Variants in DMD observed in about 807,000 individuals in gnomAD.
The protein encoded by DMD is dystrophin.
A neutral mutation model predicts 330.1 loss-of-function variants in DMD; 63 were observed. The observed-to-expected ratio is 0.19, with a 90% CI of 0.16 to 0.24. DMD has a LOEUF of 0.24. Among genes scored for constraint, DMD ranks in the 10% least tolerant of loss-of-function variants. The pLI is 1.00. For missense variants in DMD, 3,344 were observed against 2,684.1 expected, an observed-to-expected ratio of 1.25 and a Z score of -5.43; for synonymous variants, 1,223 against 959.8, an observed-to-expected ratio of 1.27 and a Z score of -5.07.
intron 2 of DMD, among the ~76,000 whole-genome samples, chrX:33,008,757 ATTT>A (rs2093450211): frequency 1.7e-5 from 1 of 57,469 alleles, no homozygotes; most frequent in Non-Finnish European, 3.5e-5. Context: ...TCAGATAAGT[ATTT>A]TTAAGTCTTA....
Position 32,699,309 on chromosome X carries a change from C to G in DMD, c.650-16G>C, listed in dbSNP as rs903989298. ...GTATCAACATCTGTAAGCACATTAA[C>G]ACTACACATCAATTTTTGGTTTCTA... On this transcript the variant is annotated splice_polypyrimidine_tract_variant and intron_variant, in intron 7 of 78. Coordinates refer to ENST00000357033, the MANE Select transcript of DMD (RefSeq NM_004006.3). 1 of 1,169,559 alleles carries G rather than the reference C, an allele frequency of 8.6e-7. No homozygotes were observed. The highest frequency in any genetic ancestry group is 1.2e-6 in the Non-Finnish European group (1 of 859,008).
Position 32,252,831 on chromosome X carries a change from TAA to T in DMD, c.6290+34696_6290+34697del, listed in dbSNP as rs1166763131. 8.7e-5 allele frequency among the ~76,000 whole-genome samples: 5 copies of T among 57,275 alleles called. 2 individuals are homozygous for T. The highest frequency in any genetic ancestry group is 3.7e-4 in the African/African-American group (5 of 13,400). The allele number at this position is 57,275 out of a possible 115,157, so 49.7% of individuals were successfully genotyped here. ...ATATATATAAGTATATAAATATATA[TAA>T]ATATATATAAATATATAAATATATA... On this transcript the variant is annotated intron_variant, in intron 43 of 78. Transcript: ENST00000357033.
At chrX:31,408,316 T>G (rs1314713298) in intron 60 of DMD, among the ~76,000 whole-genome samples, 2 of 112,438 alleles carry the variant, frequency 1.8e-5, no homozygotes, top group Non-Finnish European at 1.9e-5. Flanking sequence ...ACCACAAATG[T>G]TTGTAGGGAT....
At chrX:31,761,120 C>T (rs1031048873) in intron 51 of DMD, among the ~76,000 whole-genome samples, 2 of 109,809 alleles carry the variant, frequency 1.8e-5, no homozygotes, top group African/African-American at 6.6e-5. Context: ...CTTCTGACCT[C>T]GTGATCCGCC....
At chrX:31,255,699 A>G (rs1441420429) in intron 63 of DMD, among the ~76,000 whole-genome samples, 1 of 110,600 alleles carries the variant, frequency 9.0e-6, no homozygotes, top group Non-Finnish European at 1.9e-5. Context: ...AAGTTTAGAA[A>G]CAGCCTGCCC....
Position 33,139,868 on chromosome X carries a change from T to TAAAAAAAAA in DMD, c.31+71405_31+71413dup, listed in dbSNP as rs3990971. ...GAATTGACTAATACAGCCCCATCGC[T>TAAAAAAAAA]AAAAAAAAAAAAAAAAAAAAAAAAA... On this transcript the variant is annotated intron_variant, in intron 1 of 78. Transcript: ENST00000357033. Among the ~76,000 whole-genome samples, 7 of 64,375 alleles carry TAAAAAAAAA rather than the reference T, an allele frequency of 1.1e-4. 1 individual carries two copies. Among genetic ancestry groups the TAAAAAAAAA allele is most frequent in the African/African-American group, 5.6e-4 (7 of 12,508 alleles). 55.9% of individuals were successfully genotyped at this position (64,375 alleles called of 115,157 possible). A position where few individuals can be genotyped will look rare whatever the true frequency, so the allele number is the denominator to read the frequency against.
At chrX:31,973,378 CT>C (rs1365483434) in intron 44 of DMD, among the ~76,000 whole-genome samples, 1 of 110,357 alleles carries the variant, frequency 9.1e-6, no homozygotes, top group African/African-American at 3.3e-5. Context: ...AATAAATGGC[CT>C]TTTTTTGAGT....
intron 44 of DMD, among the ~76,000 whole-genome samples, chrX:32,167,217 C>G (rs185323613): frequency 1.8e-5 from 2 of 112,381 alleles, no homozygotes; most frequent in East Asian, 5.6e-4. Context: ...TATAAACGAG[C>G]TGAAGTATAG....
intron 1 of DMD, among the ~76,000 whole-genome samples, chrX:33,245,274 G>T (rs2052647456): frequency 1.3e-5 from 1 of 78,115 alleles, no homozygotes; most frequent in African/African-American, 3.6e-5. Flanking sequence ...TTTTTTCAGG[G>T]CTCTGAAAAG....
chrX:33,012,566 G>A (rs987664385), intron 2 of DMD, among the ~76,000 whole-genome samples: 9 of 111,326 alleles, frequency 8.1e-5, no homozygotes, highest in Non-Finnish European at 1.3e-4. Flanking sequence ...AACAGTTCTC[G>A]ACTTAAGATA....
intron 18 of DMD, among the ~76,000 whole-genome samples, chrX:32,507,415 T>C (rs968255966): frequency 1.8e-5 from 2 of 111,835 alleles, no homozygotes; most frequent in Non-Finnish European, 3.8e-5. Flanking sequence ...AAATTATCAA[T>C]AGCCCTCTAA....
chrX:31,146,642 A>G (rs980189501), intron 75 of DMD, among the ~76,000 whole-genome samples: 4 of 112,125 alleles, frequency 3.6e-5, no homozygotes, highest in Non-Finnish European at 7.5e-5. Flanking sequence ...AATCAGAGCT[A>G]CACTGGAATG....
chrX:32,831,662 G>A lies in DMD; in HGVS notation c.265-8275C>T, dbSNP rs1161755622. Among the ~76,000 whole-genome samples, 4 of 32,834 alleles carry A rather than the reference G, an allele frequency of 1.2e-4. 1 individual carries two copies. The highest frequency in any genetic ancestry group is 3.8e-4 in the African/African-American group (4 of 10,652). 28.5% of individuals were successfully genotyped at this position (32,834 alleles called of 115,157 possible). Reference sequence around the variant, plus strand: ...GTAAGATATTTACGTGTGTGTGTGTGTGTGTGTGTGTGTGTGTGTGTGTGT... The same window carrying A: ...GTAAGATATTTACGTGTGTGTGTGTATGTGTGTGTGTGTGTGTGTGTGTGT... On this transcript the variant is annotated intron_variant, in intron 4 of 78. Transcript: ENST00000357033.
At chrX:32,114,135 T>C (rs1046320108) in intron 44 of DMD, among the ~76,000 whole-genome samples, 1 of 112,175 alleles carries the variant, frequency 8.9e-6, no homozygotes, top group African/African-American at 3.2e-5. Flanking sequence ...AAGAATTACA[T>C]TGTTTGTATT....
chrX:31,165,249 G>A (rs2039292554), intron 74 of DMD, among the ~76,000 whole-genome samples: 1 of 111,764 alleles, frequency 8.9e-6, no homozygotes, highest in Non-Finnish European at 1.9e-5. Context: ...AATCACTGGA[G>A]GAATTTAAAG....
intron 48 of DMD, among the ~76,000 whole-genome samples, chrX:31,846,947 G>A (rs1033806728): frequency 2.7e-5 from 3 of 111,791 alleles, no homozygotes; most frequent in Non-Finnish European, 5.7e-5. Context: ...CATTTGAGTA[G>A]TCCAAGTATT....
chrX:32,532,289 G>T (rs145180282), intron 17 of DMD, among the ~76,000 whole-genome samples: 1 of 112,179 alleles, frequency 8.9e-6, no homozygotes, highest in Non-Finnish European at 1.9e-5. Context: ...TGATACTTCA[G>T]AATGTAGAAC....
intron 2 of DMD, among the ~76,000 whole-genome samples, chrX:32,926,407 A>G (rs1270389397): frequency 8.9e-6 from 1 of 112,088 alleles, no homozygotes; most frequent in Non-Finnish European, 1.9e-5. Flanking sequence ...CAGGTGGTTC[A>G]TAACAATGTA....
chrX:33,019,492 T>C lies in DMD; in HGVS notation c.93+647A>G, dbSNP rs754578321. Among the ~76,000 whole-genome samples, 5 of 111,610 alleles carry C rather than the reference T, an allele frequency of 4.5e-5. 1 individual carries two copies. The highest frequency in any genetic ancestry group is 3.7e-4 in the South Asian group (1 of 2,688). ...AATTAAAATGCAAGTCTTTTAAACT[T>C]TGACATCCCAATAAACCTCCATATA... On this transcript the variant is annotated intron_variant, in intron 2 of 78. Transcript: ENST00000357033.
Sources: allele counts gnomAD v4.1 joint callset (sites outside exome capture counted in the v4.1 genomes callset), GRCh38; gene constraint gnomAD v4.1.1; transcripts MANE v1.5; gene names NCBI Gene and HGNC (gene_info 2026-07-23, HGNC 2026-07-21).